DENND4C: variants seen among roughly 807,000 people sequenced by gnomAD.
DENND4C encodes the protein DENN domain containing 4C, also known as DENN domain-containing protein 4C.
DENND4C carries 108 observed loss-of-function variants against 203.0 expected under a neutral mutation model. That is an observed-to-expected ratio of 0.53 (90% confidence interval 0.46 to 0.62). The LOEUF is 0.62. Among genes scored for constraint, DENND4C ranks in the 20% least tolerant of loss-of-function variants. The probability of loss-of-function intolerance (pLI) is 0.00; values close to 1 mark genes in which losing one functional copy is unlikely to be tolerated. For missense variants in DENND4C, 2,481 were observed against 2,301.2 expected, an observed-to-expected ratio of 1.08 and a Z score of -1.60; for synonymous variants, 871 against 792.4, an observed-to-expected ratio of 1.10 and a Z score of -1.67.
chr9:19,360,583 G>T, intron 29 of DENND4C, 94 bp downstream of exon 29: 1 of 1,489,274 alleles, frequency 6.7e-7, no homozygotes. Flanking sequence ...AGCTTAACAA[G>T]ACAGATTTAT....
intron 1 of DENND4C, among the ~76,000 whole-genome samples, chr9:19,267,241 A>C (rs368761398): frequency 6.6e-6 from 1 of 152,164 alleles, no homozygotes; most frequent in Non-Finnish European, 1.5e-5. Flanking sequence ...GTTGGAGTCC[A>C]TCTCTCTTTA....
At chr9:19,254,768 T>C (rs950190763) in intron 1 of DENND4C, among the ~76,000 whole-genome samples, 1 of 152,206 alleles carries the variant, frequency 6.6e-6, no homozygotes, top group African/African-American at 2.4e-5. Context: ...TGTATATATA[T>C]ACCAAATCAT....
chr9:19,302,431 G>A (rs1252040861), intron 9 of DENND4C, among the ~76,000 whole-genome samples: 1 of 152,216 alleles, frequency 6.6e-6, no homozygotes, highest in African/African-American at 2.4e-5. Flanking sequence ...TAGATAGTTG[G>A]AGGTGTAACA....
intron 1 of DENND4C, among the ~76,000 whole-genome samples, chr9:19,243,215 T>C (rs769884157): frequency 4.6e-5 from 7 of 152,196 alleles, no homozygotes; most frequent in Non-Finnish European, 5.9e-5. Flanking sequence ...TTTACCTATT[T>C]TGGACATTTC....
intron 12 of DENND4C, among the ~76,000 whole-genome samples, chr9:19,319,290 G>A (rs1387675772): frequency 7.1e-6 from 1 of 141,234 alleles, no homozygotes; most frequent in African/African-American, 2.6e-5. Context: ...AAACATTTGT[G>A]TGTATATATA....
chr9:19,336,596 G>T (rs1588946898), intron 19 of DENND4C, 90 bp from the exon 20 acceptor site: 1 of 1,446,350 alleles, frequency 6.9e-7, no homozygotes, highest in East Asian at 2.5e-5. Flanking sequence ...AAAGTGTTCT[G>T]CAACTATAAA....
intron 1 of DENND4C, among the ~76,000 whole-genome samples, chr9:19,275,867 A>G (rs560510109): frequency 1.3e-5 from 2 of 152,204 alleles, no homozygotes; most frequent in African/African-American, 2.4e-5. Flanking sequence ...TTGGCCCCCC[A>G]AAGTGCTAGG....
chr9:19,270,669 A>G (rs1831463410), intron 1 of DENND4C, among the ~76,000 whole-genome samples: 1 of 152,034 alleles, frequency 6.6e-6, no homozygotes, highest in Admixed American at 6.6e-5. Context: ...TGATGAACAT[A>G]TTTGTCTATT....
Position 19,360,258 on chromosome 9 carries a change from A to G in DENND4C, c.5175A>G (p.Lys1725=). The G allele has an allele frequency of 6.2e-7, 1 of 1,612,282 alleles. No homozygotes were observed. The highest frequency in any genetic ancestry group is 8.5e-7 in the Non-Finnish European group (1 of 1,179,540). The change falls in exon 29 of 33, where the codon AAA becomes AAG. Residue 1725 remains lysine, a synonymous_variant. Coordinates refer to ENST00000434457, the MANE Select transcript of DENND4C (RefSeq NM_001330640.2). The stretch of plus-strand genomic sequence containing the variant: ...TTTTTTTTAAGGATCCTTTAGGAAA[A>G]AGACCCAATCCTCCCCCTGTTTCTG... ...SLQEVVDPLG[K]RPNPPPVSVP...
intron 10 of DENND4C, among the ~76,000 whole-genome samples, chr9:19,311,123 GT>G (rs1291975082): frequency 1.3e-5 from 2 of 151,860 alleles, no homozygotes; most frequent in Non-Finnish European, 2.9e-5. Context: ...AATTTCCAAA[GT>G]TTTTTTCCTT....
chr9:19,317,212 A>G (rs1417886648), intron 12 of DENND4C, among the ~76,000 whole-genome samples: 1 of 139,088 alleles, frequency 7.2e-6, no homozygotes, highest in East Asian at 2.1e-4. Flanking sequence ...AATAGAGCAG[A>G]GTCTTGCTGT....
At position 19,352,597 on chromosome 9, in the gene DENND4C, T is replaced by C. The variant is rs778491450; in HGVS notation, c.4713T>C (p.Cys1571=). ...ATGACTCAAATTTGAATACAGCTTG[T>C]CCATTCTGTAAAAGCAACTTCTTGC... ...TADDSNLNTA[C]PFCKSNFLPL... Residue 1571 remains cysteine, a synonymous_variant, in exon 26 of 33, where the codon TGT becomes TGC. Transcript: ENST00000434457. The C allele has an allele frequency of 1.1e-5, 17 of 1,613,768 alleles. No individual in the cohort carries two copies. Among genetic ancestry groups the C allele is most frequent in the Admixed American group, 3.3e-5 (2 of 59,992 alleles).
intron 1 of DENND4C, among the ~76,000 whole-genome samples, chr9:19,267,573 AT>A (rs546385773): frequency 1.3e-5 from 2 of 152,002 alleles, no homozygotes; most frequent in Non-Finnish European, 2.9e-5. Flanking sequence ...TTCTCACTTT[AT>A]CCCCCAGGCT....
chr9:19,303,097 T>C (rs1015026693), intron 9 of DENND4C, among the ~76,000 whole-genome samples: 3 of 152,172 alleles, frequency 2.0e-5, no homozygotes, highest in Admixed American at 6.5e-5. Context: ...TGAGGACTTT[T>C]TTGGATTTTG....
chr9:19,274,167 C>G (rs1045908068), intron 1 of DENND4C, among the ~76,000 whole-genome samples: 6 of 151,994 alleles, frequency 3.9e-5, no homozygotes, highest in African/African-American at 1.5e-4. Flanking sequence ...AGAATACATA[C>G]TGTATGAGTC....
chr9:19,328,011 A>AT lies in DENND4C; in HGVS notation c.2121-8dup, dbSNP rs201089782. On this transcript the variant is annotated intron_variant, in intron 15 of 32. Coordinates refer to ENST00000434457, the MANE Select transcript of DENND4C (RefSeq NM_001330640.2). Reference sequence around the variant, plus strand: ...TGGTGTGTTTTAAATCAGCAGTTCTATTTTTTTTTTTATTTTAGTTACAAA... The same window carrying AT: ...TGGTGTGTTTTAAATCAGCAGTTCTATTTTTTTTTTTTATTTTAGTTACAAA... 20,911 of 1,116,072 alleles carry AT rather than the reference A, an allele frequency of 0.019. 25 individuals are homozygous for AT. The highest frequency in any genetic ancestry group is 0.038 in the African/African-American group (2,360 of 62,300). The allele number at this position is 1,116,072 out of a possible 1,614,324, so 69.1% of individuals were successfully genotyped here.
chr9:19,311,491 C>G (rs1224607902), intron 10 of DENND4C, among the ~76,000 whole-genome samples: 2 of 152,178 alleles, frequency 1.3e-5, no homozygotes, highest in Non-Finnish European at 2.9e-5. Context: ...TTCTCTGTTA[C>G]TACTTGTTGA....
At chr9:19,334,487 A>G (rs1179070551) in intron 17 of DENND4C, among the ~76,000 whole-genome samples, 1 of 149,694 alleles carries the variant, frequency 6.7e-6, no homozygotes, top group Admixed American at 6.7e-5. Flanking sequence ...TAATGATGAT[A>G]CTTGCATTAA....
At chr9:19,290,167 C>T (rs537722284) in intron 4 of DENND4C, among the ~76,000 whole-genome samples, 1 of 152,258 alleles carries the variant, frequency 6.6e-6, no homozygotes, top group South Asian at 2.1e-4. Context: ...CAAAGTGTCA[C>T]TTGCTCCTAC....
Sources: gnomAD v4.1 joint callset for allele counts (sites outside exome capture counted in the v4.1 genomes callset) on GRCh38, gnomAD v4.1.1 for gene constraint, MANE v1.5 for transcripts, NCBI Gene and HGNC (gene_info 2026-07-23, HGNC 2026-07-21) for gene names.